The following LRP1B variants were observed in gnomAD, a reference collection of about 807,000 sequenced individuals.
LRP1B encodes LDL receptor related protein 1B.
LRP1B carries 217 observed loss-of-function variants against 556.6 expected under a neutral mutation model. The observed-to-expected ratio is 0.39, with a 90% CI of 0.35 to 0.44. The LOEUF (loss-of-function observed/expected upper bound fraction) is 0.44, where lower values mean the gene tolerates loss of function less well. Ranked by LOEUF, LRP1B falls within the 20% of genes least tolerant of loss-of-function variation. LRP1B has a pLI of 1.00. For synonymous variants in LRP1B, 2,047 were observed against 1,865.8 expected, an observed-to-expected ratio of 1.10 and a Z score of -2.50; for missense variants, 5,053 against 5,620.8, an observed-to-expected ratio of 0.90 and a Z score of 3.23.
intron 21 of LRP1B, among the ~76,000 whole-genome samples, chr2:140,913,591 G>T (rs1018800724): frequency 4.6e-5 from 7 of 152,036 alleles, no homozygotes; most frequent in African/African-American, 1.4e-4. Flanking sequence ...ACAGGTGAAA[G>T]AAATAAAAAT....
chr2:141,338,156 T>A (rs1264076226), intron 3 of LRP1B, among the ~76,000 whole-genome samples: 1 of 152,150 alleles, frequency 6.6e-6, no homozygotes, highest in Non-Finnish European at 1.5e-5. Flanking sequence ...CAGAACTGGT[T>A]GATATTGTAT....
At chr2:140,973,809 G>A (rs566747730) in intron 18 of LRP1B, among the ~76,000 whole-genome samples, 76 of 152,154 alleles carry the variant, frequency 5.0e-4, no homozygotes, top group South Asian at 4.1e-3. Context: ...ATAGAGTTCA[G>A]TAACATGAAC....
At chr2:141,042,313 C>A (rs1236791735) in intron 11 of LRP1B, among the ~76,000 whole-genome samples, 1 of 152,044 alleles carries the variant, frequency 6.6e-6, no homozygotes, top group Non-Finnish European at 1.5e-5. Context: ...AATGGGCGTT[C>A]CCTAAGCTCC....
At chr2:140,755,570 G>T (rs115497781) in intron 35 of LRP1B, among the ~76,000 whole-genome samples, 1,579 of 151,646 alleles carry the variant, frequency 0.01, 33 homozygotes, top group African/African-American at 0.036. Flanking sequence ...AGTGACAAAA[G>T]GTATATGATC....
intron 66 of LRP1B, among the ~76,000 whole-genome samples, chr2:140,442,150 AAATG>A (rs1477556909): frequency 6.6e-6 from 1 of 152,160 alleles, no homozygotes; most frequent in African/African-American, 2.4e-5. Flanking sequence ...AGCAAAAAAA[AAATG>A]AATTCTAGAA....
intron 7 of LRP1B, among the ~76,000 whole-genome samples, chr2:141,065,777 T>C (rs1180554893): frequency 1.3e-5 from 2 of 151,822 alleles, no homozygotes; most frequent in African/African-American, 4.8e-5. Context: ...CCATATTTGA[T>C]GTTTTCTGAA....
chr2:140,422,747 T>C (rs1392182710), intron 66 of LRP1B, among the ~76,000 whole-genome samples: 1 of 152,222 alleles, frequency 6.6e-6, no homozygotes, highest in Non-Finnish European at 1.5e-5. Flanking sequence ...TAATTGTTTA[T>C]TTGTTTTCTT....
chr2:141,849,833 CT>C (rs1436676085), intron 1 of LRP1B, among the ~76,000 whole-genome samples: 2 of 151,570 alleles, frequency 1.3e-5, no homozygotes, highest in African/African-American at 2.4e-5. Flanking sequence ...AAAATTCCAT[CT>C]AGGATGTATA....
intron 66 of LRP1B, among the ~76,000 whole-genome samples, chr2:140,415,598 G>C (rs1685158981): frequency 1.3e-5 from 2 of 152,188 alleles, no homozygotes; most frequent in South Asian, 4.2e-4. Context: ...ATTGGGGGTG[G>C]GTTCCCCCAA....
At chr2:141,263,079 G>A (rs576510094) in intron 3 of LRP1B, among the ~76,000 whole-genome samples, 60 of 151,760 alleles carry the variant, frequency 4.0e-4, no homozygotes, top group Middle Eastern at 3.4e-3. Context: ...TGAGTTCCCT[G>A]CATATAGCTC....
At chr2:140,871,913 G>T (rs561814081) in intron 25 of LRP1B, among the ~76,000 whole-genome samples, 32 of 152,098 alleles carry the variant, frequency 2.1e-4, no homozygotes, top group African/African-American at 7.7e-4. Flanking sequence ...CATTTTAAAA[G>T]ATTTTTTAAG....
intron 6 of LRP1B, among the ~76,000 whole-genome samples, chr2:141,223,992 A>G (rs957501169): frequency 6.6e-6 from 1 of 152,184 alleles, no homozygotes; most frequent in African/African-American, 2.4e-5. Flanking sequence ...TCCTGACAAA[A>G]TTGCTGAAAA....
chr2:141,203,680 C>T (rs1041624607), intron 6 of LRP1B, among the ~76,000 whole-genome samples: 3 of 152,088 alleles, frequency 2.0e-5, no homozygotes, highest in Non-Finnish European at 2.9e-5. Context: ...ACCAAGTGGA[C>T]CTAATAGACA....
Position 140,297,980 on chromosome 2 carries a change from CAATAAGTAATAA to C in LRP1B, c.12806-23_12806-12del. 6.4e-7 allele frequency: 1 copy of C among 1,569,878 alleles called. No individual in the cohort carries two copies. Among genetic ancestry groups the C allele is most frequent in the Non-Finnish European group, 8.7e-7 (1 of 1,150,916 alleles). On this transcript the variant is annotated splice_polypyrimidine_tract_variant and intron_variant, in intron 83 of 90. Transcript: ENST00000389484. ...TGCAGGTGGGTCTCCCTATTGGAAACAATAAGTAATAAAAAGCAAATTATTCAACCAAAATAG... is the reference window on the plus strand; with the variant it reads ...TGCAGGTGGGTCTCCCTATTGGAAACAAAGCAAATTATTCAACCAAAATAG...
chr2:141,499,943 C>T (rs566921633), intron 2 of LRP1B, among the ~76,000 whole-genome samples: 1 of 152,002 alleles, frequency 6.6e-6, no homozygotes, highest in South Asian at 2.1e-4. Context: ...ATTCTACCCC[C>T]AAAGATGCCA....
chr2:141,363,890 C>T lies in LRP1B; in HGVS notation c.344-109249G>A, dbSNP rs774328252. Among the ~76,000 whole-genome samples the T allele has an allele frequency of 1.2e-4, 19 of 152,174 alleles. No homozygotes were observed. In the East Asian group the frequency reaches 1.9e-3, roughly 15 times the overall value. ...TTTCCCCAATTATAATTTGTTAAAA[C>T]GTATATTTATTCTACAAATAAATAC... On this transcript the variant is annotated intron_variant, in intron 3 of 90. Transcript: ENST00000389484.
At chr2:141,960,396 A>G (rs550251830) in intron 1 of LRP1B, among the ~76,000 whole-genome samples, 85 of 151,960 alleles carry the variant, frequency 5.6e-4, no homozygotes, top group African/African-American at 2.0e-3. Context: ...GCTATTTCCC[A>G]CATACTCCAT....
intron 1 of LRP1B, among the ~76,000 whole-genome samples, chr2:141,931,207 C>A (rs1700494600): frequency 6.6e-6 from 1 of 151,916 alleles, no homozygotes; most frequent in Non-Finnish European, 1.5e-5. Flanking sequence ...ATTATAGATT[C>A]TCTACAGTGA....
chr2:141,090,571 C>G (rs573116554), intron 7 of LRP1B, among the ~76,000 whole-genome samples: 1 of 152,152 alleles, frequency 6.6e-6, no homozygotes, highest in Non-Finnish European at 1.5e-5. Flanking sequence ...CTACATTTCT[C>G]TTATGCAGAT....
Sources: allele counts gnomAD v4.1 joint callset (sites outside exome capture counted in the v4.1 genomes callset), GRCh38; gene constraint gnomAD v4.1.1; transcripts MANE v1.5; gene names NCBI Gene and HGNC (gene_info 2026-07-23, HGNC 2026-07-21).